SIL1: variants seen among roughly 807,000 people sequenced by gnomAD.
The protein encoded by SIL1 is nucleotide exchange factor SIL1.
A neutral mutation model predicts 49.1 loss-of-function variants in SIL1; 40 were observed. That is an observed-to-expected ratio of 0.81 (90% CI 0.63 to 1.06). The LOEUF is 1.06. Among genes scored for constraint, SIL1 ranks in the 50% least tolerant of loss-of-function variants. The pLI, the probability that SIL1 is intolerant of heterozygous loss-of-function variation, is 0.00. For missense variants in SIL1, 500 were observed against 572.6 expected, an observed-to-expected ratio of 0.87 and a Z score of 1.29; for synonymous variants, 253 against 250.8, an observed-to-expected ratio of 1.01 and a Z score of -0.08.
At chr5:139,166,385 G>C (rs563801409) in intron 1 of SIL1, among the ~76,000 whole-genome samples, 1 of 152,284 alleles carries the variant, frequency 6.6e-6, no homozygotes, top group Admixed American at 6.5e-5. Context: ...AGAGGGGCCA[G>C]GCATAGTGGC....
intron 1 of SIL1, among the ~76,000 whole-genome samples, chr5:139,161,069 C>A (rs1581141694): frequency 6.6e-6 from 1 of 151,910 alleles, no homozygotes; most frequent in East Asian, 1.9e-4. Context: ...CATGGTGAAA[C>A]CTCGTCTCTA....
Position 139,051,016 on chromosome 5 carries a change from C to A in SIL1, c.275G>T (p.Arg92Leu), listed in dbSNP as rs138414883. The A allele has an allele frequency of 1.9e-6, 3 of 1,613,998 alleles. No homozygotes were observed. The highest frequency in any genetic ancestry group is 2.7e-5 in the African/African-American group (2 of 74,896). The change falls in exon 4 of 10, where the codon CGG (arginine) becomes CTG (leucine). Residue 92 changes from arginine to leucine, a missense_variant. Transcript: ENST00000394817. ...TCTTTCCCCAGTCTGAAGATTCAGC[C>A]GTACGTGGGATCCTGCAGGGACAGC... Reference protein sequence around the residue: ...GQAVPAGSHVRLNLQTGEREA... With the variant: ...GQAVPAGSHVLLNLQTGEREA...
At chr5:139,110,627 C>G (rs189644785) in intron 3 of SIL1, among the ~76,000 whole-genome samples, 3 of 152,260 alleles carry the variant, frequency 2.0e-5, no homozygotes, top group Non-Finnish European at 2.9e-5. Context: ...TGATTAGCAC[C>G]CAGGCAACAA....
chr5:139,133,388 G>A (rs1357386422), intron 1 of SIL1: 2 of 152,226 alleles, frequency 1.3e-5, no homozygotes, highest in African/African-American at 4.8e-5. Flanking sequence ...GGAGCAGGTG[G>A]GAGGAGGCCA....
intron 3 of SIL1, among the ~76,000 whole-genome samples, chr5:139,085,162 G>A (rs546600996): frequency 2.0e-5 from 3 of 152,270 alleles, no homozygotes; most frequent in South Asian, 4.1e-4. Context: ...AAGCTACAGG[G>A]TGAAAAGTAG....
intron 1 of SIL1, among the ~76,000 whole-genome samples, chr5:139,192,354 T>C (rs904611317): frequency 1.1e-4 from 17 of 152,206 alleles, no homozygotes; most frequent in African/African-American, 3.9e-4. Context: ...CTTGCAGAGA[T>C]GGAAGTAGCC....
chr5:139,191,094 T>G (rs1380679657), intron 1 of SIL1, among the ~76,000 whole-genome samples: 1 of 151,924 alleles, frequency 6.6e-6, no homozygotes, highest in South Asian at 2.1e-4. Context: ...TAGCCGGCCA[T>G]GGTGGCAAGC....
chr5:139,145,950 TTGTG>T (rs1201067925), intron 1 of SIL1, among the ~76,000 whole-genome samples: 1 of 150,432 alleles, frequency 6.6e-6, no homozygotes, highest in South Asian at 2.1e-4. Context: ...ATTTTATGCT[TTGTG>T]TGTGTGTATA....
At chr5:139,114,492 C>T (rs1202346771) in intron 3 of SIL1, among the ~76,000 whole-genome samples, 1 of 152,208 alleles carries the variant, frequency 6.6e-6, no homozygotes, top group Non-Finnish European at 1.5e-5. Context: ...AGAGACCTGG[C>T]ATCCTTCCAT....
intron 3 of SIL1, among the ~76,000 whole-genome samples, chr5:139,065,904 C>T (rs1581073104): frequency 6.6e-6 from 1 of 152,218 alleles, no homozygotes; most frequent in African/African-American, 2.4e-5. Context: ...GTCTGGATCA[C>T]TTTTGACAGA....
intron 7 of SIL1, among the ~76,000 whole-genome samples, chr5:139,003,366 T>G (rs1768032554): frequency 6.6e-6 from 1 of 152,122 alleles, no homozygotes; most frequent in African/African-American, 2.4e-5. Context: ...CTCTGGGTGC[T>G]TGGCTGCAGC....
intron 5 of SIL1, among the ~76,000 whole-genome samples, chr5:139,030,658 T>TG (rs140691166): frequency 0.018 from 2,777 of 151,336 alleles, 81 homozygotes; most frequent in African/African-American, 0.064. Context: ...TTCTTTTTTT[T>TG]GGGGGGTAGA....
At chr5:139,169,099 T>G (rs1386907350) in intron 1 of SIL1, among the ~76,000 whole-genome samples, 1 of 152,172 alleles carries the variant, frequency 6.6e-6, no homozygotes, top group Admixed American at 6.5e-5. Flanking sequence ...TGCATTATAA[T>G]CATGTCTATG....
intron 1 of SIL1, among the ~76,000 whole-genome samples, chr5:139,145,627 GGCGTGTGTGT>G (rs1561879648): frequency 1.0e-5 from 1 of 97,382 alleles, no homozygotes; most frequent in African/African-American, 3.5e-5. Flanking sequence ...TGGGTGTGGG[GGCGTGTGTGT>G]GTGTGTGTGT....
chr5:139,043,752 TG>T (rs1423632229), intron 4 of SIL1, among the ~76,000 whole-genome samples: 1 of 152,204 alleles, frequency 6.6e-6, no homozygotes, highest in Non-Finnish European at 1.5e-5. Flanking sequence ...ATCCATCATG[TG>T]GGAGCAAGGT....
At chr5:139,115,501 G>A (rs1770967375) in intron 3 of SIL1, among the ~76,000 whole-genome samples, 1 of 152,192 alleles carries the variant, frequency 6.6e-6, no homozygotes, top group Non-Finnish European at 1.5e-5. Context: ...TCAGGGGAGG[G>A]AAGGAGGACT....
chr5:139,041,477 C>T (rs1769046276), intron 5 of SIL1, among the ~76,000 whole-genome samples: 1 of 152,110 alleles, frequency 6.6e-6, no homozygotes, highest in African/African-American at 2.4e-5. Context: ...AGGACATTAC[C>T]TGGATTCAGG....
At chr5:139,094,129 A>G (rs1770403286) in intron 3 of SIL1, among the ~76,000 whole-genome samples, 1 of 152,160 alleles carries the variant, frequency 6.6e-6, no homozygotes, top group Admixed American at 6.5e-5. Context: ...CCCACCTCCA[A>G]CCTGACTCTC....
chr5:139,190,305 TAAC>T (rs1752144656), intron 1 of SIL1, among the ~76,000 whole-genome samples: 1 of 152,210 alleles, frequency 6.6e-6, no homozygotes, highest in Non-Finnish European at 1.5e-5. Context: ...TATTTGTTTC[TAAC>T]ACGGAGGAAG....
Sources: allele counts gnomAD v4.1 joint callset (sites outside exome capture counted in the v4.1 genomes callset), GRCh38; gene constraint gnomAD v4.1.1; transcripts MANE v1.5; gene names NCBI Gene and HGNC (gene_info 2026-07-23, HGNC 2026-07-21).